The following ST7 variants were observed in gnomAD, a reference collection of about 807,000 sequenced individuals.
ST7 encodes the protein suppression of tumorigenicity 7.
Under a neutral mutation model 78.7 loss-of-function variants are expected in ST7, and 28 were observed. The ratio of observed to expected loss-of-function variants is 0.36; its 90% CI spans 0.26 to 0.49. The LOEUF (loss-of-function observed/expected upper bound fraction) is 0.49, where lower values mean the gene tolerates loss of function less well. Ranked by LOEUF, ST7 falls within the 20% of genes least tolerant of loss-of-function variation. The pLI is 0.99. For synonymous variants in ST7, 247 were observed against 249.6 expected (o/e 0.99, Z 0.10); for missense variants, 418 against 696.0 (o/e 0.60, Z 4.49).
intron 12 of ST7, among the ~76,000 whole-genome samples, chr7:117,202,581 GCTC>G (rs571280386): frequency 9.1e-4 from 138 of 152,256 alleles, no homozygotes; most frequent in Non-Finnish European, 9.3e-4. Flanking sequence ...TCCTGGAGAA[GCTC>G]CTCCTCCACC....
chr7:117,022,552 AT>A (rs1180055185), intron 1 of ST7, among the ~76,000 whole-genome samples: 3 of 152,168 alleles, frequency 2.0e-5, no homozygotes, highest in African/African-American at 2.4e-5. Context: ...TTTGGAGGCT[AT>A]TTTTTAGGTT....
chr7:117,165,719 G>A (rs1225069531), intron 9 of ST7, among the ~76,000 whole-genome samples: 1 of 152,100 alleles, frequency 6.6e-6, no homozygotes, highest in African/African-American at 2.4e-5. Context: ...GGTAGTTCAG[G>A]CCAGGAGTAC....
chr7:116,955,163 C>T (rs1170133837), intron 1 of ST7: 1 of 465,692 alleles, frequency 2.1e-6, no homozygotes, highest in South Asian at 1.6e-5. Flanking sequence ...AGTATGTCTC[C>T]AGGATACCTT....
chr7:117,228,078 G>A (rs931881958), intron 15 of ST7, among the ~76,000 whole-genome samples: 8 of 152,126 alleles, frequency 5.3e-5, no homozygotes, highest in Non-Finnish European at 1.0e-4. Context: ...CTCTTTGACT[G>A]TTTATTGAGC....
intron 12 of ST7, among the ~76,000 whole-genome samples, chr7:117,204,917 A>G (rs971797466): frequency 6.6e-6 from 1 of 152,226 alleles, no homozygotes; most frequent in South Asian, 2.1e-4. Flanking sequence ...AATGCTTATT[A>G]CAAGCCAGGC....
chr7:116,966,090 CCATTTTAACAT>C (rs1325416530), intron 1 of ST7: 1 of 466,338 alleles, frequency 2.1e-6, no homozygotes, highest in Non-Finnish European at 4.4e-6. Context: ...AATATAAGGT[CCATTTTAACAT>C]GTTTTCTTCT....
chr7:117,002,402 T>C (rs1286403323), intron 1 of ST7, among the ~76,000 whole-genome samples: 1 of 152,038 alleles, frequency 6.6e-6, no homozygotes, highest in Non-Finnish European at 1.5e-5. Context: ...CTTATGAATA[T>C]ACACTCTTAA....
At chr7:117,152,922 C>T (rs992830523) in intron 9 of ST7, among the ~76,000 whole-genome samples, 2 of 152,084 alleles carry the variant, frequency 1.3e-5, no homozygotes, top group Admixed American at 1.3e-4. Flanking sequence ...TGTATAGTTT[C>T]CTGTTTCAAC....
At chr7:117,153,976 A>G (rs1806487602) in intron 9 of ST7, among the ~76,000 whole-genome samples, 2 of 152,170 alleles carry the variant, frequency 1.3e-5, no homozygotes. Flanking sequence ...TGCATATGAA[A>G]GAGAGGGGAT....
chr7:116,956,622 T>C (rs1360468352), intron 1 of ST7: 1 of 471,126 alleles, frequency 2.1e-6, no homozygotes, highest in East Asian at 6.9e-5. Flanking sequence ...GGATGGAATC[T>C]GCTAAAAGTG....
intron 1 of ST7, among the ~76,000 whole-genome samples, chr7:117,011,386 C>T (rs1161840790): frequency 1.3e-5 from 2 of 152,134 alleles, no homozygotes; most frequent in African/African-American, 4.8e-5. Flanking sequence ...TAGGTATCAG[C>T]AGGAGTTACT....
chr7:117,172,944 A>G (rs770765561), intron 10 of ST7, among the ~76,000 whole-genome samples: 1 of 152,372 alleles, frequency 6.6e-6, no homozygotes, highest in South Asian at 2.1e-4. Flanking sequence ...ATTGTAAAAT[A>G]AAGAAATGGA....
At chr7:117,177,428 A>G (rs1385597389) in intron 10 of ST7, among the ~76,000 whole-genome samples, 1 of 152,184 alleles carries the variant, frequency 6.6e-6, no homozygotes, top group African/African-American at 2.4e-5. Context: ...ATCATAATTT[A>G]CCAAGGTAAC....
chr7:116,962,634 TTTGA>T (rs1268631824), intron 1 of ST7, among the ~76,000 whole-genome samples: 1 of 152,212 alleles, frequency 6.6e-6, no homozygotes, highest in Non-Finnish European at 1.5e-5. Flanking sequence ...AATGGGGCTG[TTTGA>T]TTTTTTCTTG....
At chr7:117,171,649 G>T (rs762841089) in intron 10 of ST7, among the ~76,000 whole-genome samples, 2 of 150,708 alleles carry the variant, frequency 1.3e-5, no homozygotes, top group Non-Finnish European at 3.0e-5. Flanking sequence ...TGCTCATATT[G>T]TCATTATCCA....
At chr7:116,958,334 G>A (rs1792635311) in intron 1 of ST7, among the ~76,000 whole-genome samples, 1 of 151,920 alleles carries the variant, frequency 6.6e-6, no homozygotes, top group Admixed American at 6.6e-5. Flanking sequence ...TTAAGCTCAT[G>A]AATACAGATG....
At chr7:117,123,839 GCT>G (rs1321716730) in intron 3 of ST7, among the ~76,000 whole-genome samples, 1 of 152,074 alleles carries the variant, frequency 6.6e-6, no homozygotes, top group African/African-American at 2.4e-5. Context: ...AGTGGAGAGT[GCT>G]CTGTCACATG....
intron 1 of ST7, among the ~76,000 whole-genome samples, chr7:117,077,844 CT>C (rs1186348708): frequency 0.17 from 20,140 of 120,812 alleles, 1,612 homozygotes; most frequent in African/African-American, 0.31. Flanking sequence ...TGATTTCTTT[CT>C]TTTTTTTTTT....
chr7:117,166,338 T>A (rs1436308628), intron 9 of ST7, among the ~76,000 whole-genome samples: 2 of 152,146 alleles, frequency 1.3e-5, no homozygotes, highest in Non-Finnish European at 2.9e-5. Context: ...GCTATGCTGT[T>A]GAAAGTTTTT....
Sources: allele counts gnomAD v4.1 joint callset (sites outside exome capture counted in the v4.1 genomes callset), GRCh38; gene constraint gnomAD v4.1.1; transcripts MANE v1.5; gene names NCBI Gene and HGNC (gene_info 2026-07-23, HGNC 2026-07-21).